Variants in KCNN2 observed in about 807,000 individuals in gnomAD.
The protein encoded by KCNN2 is small conductance calcium-activated potassium channel protein 2.
KCNN2 carries 24 observed loss-of-function variants against 55.5 expected under a neutral mutation model. The observed-to-expected ratio is 0.43, with a 90% CI of 0.31 to 0.61. The LOEUF (loss-of-function observed/expected upper bound fraction) is 0.61. Among genes scored for constraint, KCNN2 ranks in the 20% least tolerant of loss-of-function variants. KCNN2 has a pLI of 0.08. For missense variants in KCNN2, 754 were observed against 853.6 expected, an observed-to-expected ratio of 0.88 and a Z score of 1.45; for synonymous variants, 431 against 336.1, an observed-to-expected ratio of 1.28 and a Z score of -3.09.
intron 2 of KCNN2, among the ~76,000 whole-genome samples, chr5:114,295,350 A>C (rs1755986933): frequency 6.6e-6 from 1 of 152,026 alleles, no homozygotes; most frequent in African/African-American, 2.4e-5. Context: ...GTTGGGCTCC[A>C]CCCAGTTCGA....
chr5:114,401,753 G>C (rs1284310995), intron 2 of KCNN2, among the ~76,000 whole-genome samples: 1 of 152,174 alleles, frequency 6.6e-6, no homozygotes, highest in African/African-American at 2.4e-5. Flanking sequence ...CAGAATGTAC[G>C]AAGACCCAGA....
At chr5:114,251,653 A>G (rs1284566619) in intron 2 of KCNN2, among the ~76,000 whole-genome samples, 1 of 152,128 alleles carries the variant, frequency 6.6e-6, no homozygotes, top group Non-Finnish European at 1.5e-5. Context: ...TATGCACTAG[A>G]TGTGGTCACG....
chr5:114,174,855 A>T (rs2112546769), intron 1 of KCNN2, among the ~76,000 whole-genome samples: 1 of 152,300 alleles, frequency 6.6e-6, no homozygotes, highest in African/African-American at 2.4e-5. Context: ...TTTCTGTCCA[A>T]GACAAGGCAG....
At chr5:114,075,213 T>C (rs1750661299) in intron 1 of KCNN2, among the ~76,000 whole-genome samples, 1 of 152,180 alleles carries the variant, frequency 6.6e-6, no homozygotes, top group African/African-American at 2.4e-5. Flanking sequence ...TGATTACTCA[T>C]GAATTTCTTT....
intron 2 of KCNN2, among the ~76,000 whole-genome samples, chr5:114,249,002 C>T (rs971708283): frequency 6.6e-6 from 1 of 152,086 alleles, no homozygotes; most frequent in Non-Finnish European, 1.5e-5. Flanking sequence ...TGAATGATCA[C>T]CCTAGTACAG....
At chr5:114,106,674 CTT>C (rs1453443972) in intron 1 of KCNN2, among the ~76,000 whole-genome samples, 6 of 103,744 alleles carry the variant, frequency 5.8e-5, no homozygotes, top group African/African-American at 1.8e-4. Context: ...ATTTGGATGT[CTT>C]TTTGTGTGTG....
At chr5:114,363,639 C>T (rs1233396810) in intron 1 of KCNN2, among the ~76,000 whole-genome samples, 1 of 152,202 alleles carries the variant, frequency 6.6e-6, no homozygotes, top group African/African-American at 2.4e-5. Context: ...TAGCCTGGAA[C>T]AGCGGCGCTC....
At chr5:114,369,552 TAGTG>T (rs1757701955) in intron 2 of KCNN2, among the ~76,000 whole-genome samples, 1 of 152,162 alleles carries the variant, frequency 6.6e-6, no homozygotes, top group Non-Finnish European at 1.5e-5. Context: ...CTCCAAAAGA[TAGTG>T]AGGTAGAAAA....
chr5:114,303,843 A>T (rs760526381), intron 2 of KCNN2, among the ~76,000 whole-genome samples: 1 of 152,148 alleles, frequency 6.6e-6, no homozygotes, highest in Non-Finnish European at 1.5e-5. Flanking sequence ...GAAGTTTGGA[A>T]GTTATTATAG....
chr5:114,168,728 C>G (rs1253686906), intron 1 of KCNN2, among the ~76,000 whole-genome samples: 1 of 152,028 alleles, frequency 6.6e-6, no homozygotes, highest in Non-Finnish European at 1.5e-5. Flanking sequence ...TGTCCTAACA[C>G]TTGCTGAAAT....
intron 2 of KCNN2, among the ~76,000 whole-genome samples, chr5:114,259,460 G>A (rs1018123724): frequency 1.3e-5 from 2 of 152,188 alleles, no homozygotes; most frequent in African/African-American, 4.8e-5. Flanking sequence ...GGGTCCAGGG[G>A]TTGGTGAGTG....
chr5:114,473,046 G>T lies in KCNN2; in HGVS notation c.1780-8G>T. 1 of 1,581,182 alleles carries T rather than the reference G, an allele frequency of 6.3e-7. No homozygotes were observed. The highest frequency in any genetic ancestry group is 8.6e-7 in the Non-Finnish European group (1 of 1,156,252). On this transcript the variant is annotated splice_polypyrimidine_tract_variant and splice_region_variant and intron_variant, in intron 4 of 7. Transcript: ENST00000673685. ...TGCTTTGGGTTTCTCTTCTCTCCTTGTTTTCAGGGTGCTGGTTGCACAGCC... is the reference window on the plus strand; with the variant it reads ...TGCTTTGGGTTTCTCTTCTCTCCTTTTTTTCAGGGTGCTGGTTGCACAGCC...
intron 1 of KCNN2, among the ~76,000 whole-genome samples, chr5:114,077,078 G>A (rs563822320): frequency 3.3e-4 from 50 of 152,216 alleles, no homozygotes; most frequent in Admixed American, 5.9e-4. Context: ...ATGGTAAAAA[G>A]GTGCCCATTT....
intron 1 of KCNN2, among the ~76,000 whole-genome samples, chr5:114,191,608 T>C (rs560975336): frequency 6.6e-5 from 10 of 152,256 alleles, no homozygotes; most frequent in East Asian, 3.9e-4. Flanking sequence ...GTGTTTAGCA[T>C]TGGGCCAGTA....
chr5:114,232,908 T>G (rs1299452707), intron 2 of KCNN2, among the ~76,000 whole-genome samples: 2 of 111,776 alleles, frequency 1.8e-5, no homozygotes, highest in Non-Finnish European at 3.5e-5. Flanking sequence ...CAGAGGTAAT[T>G]TTTTATATTG....
chr5:114,347,384 G>C (rs1011983893), intron 2 of KCNN2, among the ~76,000 whole-genome samples: 28 of 152,242 alleles, frequency 1.8e-4, no homozygotes, highest in African/African-American at 6.7e-4. Context: ...CCCTAGAATG[G>C]TACTCATCAA....
At chr5:114,366,637 T>C (rs1033672568) in intron 2 of KCNN2, among the ~76,000 whole-genome samples, 13 of 152,164 alleles carry the variant, frequency 8.5e-5, no homozygotes, top group Admixed American at 6.5e-4. Flanking sequence ...AAATACCTTA[T>C]TCTGAAACAC....
intron 2 of KCNN2, among the ~76,000 whole-genome samples, chr5:114,276,383 T>C (rs1309822939): frequency 6.6e-6 from 1 of 152,172 alleles, no homozygotes; most frequent in Admixed American, 6.5e-5. Flanking sequence ...TTGGATATCC[T>C]TGTTAAGTTT....
chr5:114,281,065 T>C (rs549186498), intron 2 of KCNN2, among the ~76,000 whole-genome samples: 1 of 152,202 alleles, frequency 6.6e-6, no homozygotes, highest in Non-Finnish European at 1.5e-5. Context: ...AGTGCTCAAA[T>C]ACCTCCTTAG....
Sources: allele counts gnomAD v4.1 joint callset (sites outside exome capture counted in the v4.1 genomes callset), GRCh38; gene constraint gnomAD v4.1.1; transcripts MANE v1.5; gene names NCBI Gene and HGNC (gene_info 2026-07-23, HGNC 2026-07-21).